ARHGAP5: variants seen among roughly 807,000 people sequenced by gnomAD.
ARHGAP5 encodes the protein rho GTPase-activating protein 5.
A neutral mutation model predicts 116.6 loss-of-function variants in ARHGAP5; 23 were observed. That is an observed-to-expected ratio of 0.20 (90% CI 0.14 to 0.28). The LOEUF (loss-of-function observed/expected upper bound fraction) is 0.28. ARHGAP5 is among the 10% of genes least tolerant of loss of function. The pLI is 1.00. For synonymous variants in ARHGAP5, 574 were observed against 602.0 expected (o/e 0.95, Z 0.68); for missense variants, 1,405 against 1,774.8 (o/e 0.79, Z 3.74).
At chr14:32,137,569 G>A (rs1880871505) in intron 3 of ARHGAP5, among the ~76,000 whole-genome samples, 2 of 152,010 alleles carry the variant, frequency 1.3e-5, no homozygotes, top group Non-Finnish European at 2.9e-5. Context: ...AATTGAATGT[G>A]AATTTGAGGA....
chr14:32,095,489 C>T (rs1032966518), intron 2 of ARHGAP5, among the ~76,000 whole-genome samples: 4 of 150,662 alleles, frequency 2.7e-5, no homozygotes, highest in Admixed American at 6.6e-5. Flanking sequence ...CTTGGCTCAC[C>T]GCAGCCTCCG....
intron 1 of ARHGAP5, among the ~76,000 whole-genome samples, chr14:32,081,262 TTAG>T (rs1462847175): frequency 6.6e-6 from 1 of 152,022 alleles, no homozygotes; most frequent in Non-Finnish European, 1.5e-5. Flanking sequence ...GATTTAAAAG[TTAG>T]TAGAAAGTTA....
chr14:32,128,247 C>CA lies in ARHGAP5; in HGVS notation c.3865+10961dup, dbSNP rs375329056. On this transcript the variant is annotated intron_variant, in intron 3 of 6. Coordinates refer to ENST00000345122, the MANE Select transcript of ARHGAP5 (RefSeq NM_001030055.2). ...CCTCACATCCCAGACGATGGGTGGC[C>CA]AGGCAGACGCTCCTCACTTCCTAGA... Among the ~76,000 whole-genome samples the CA allele has an allele frequency of 4.8e-3, 727 of 151,686 alleles. 12 individuals are homozygous for CA. The highest frequency in any genetic ancestry group is 0.017 in the African/African-American group (712 of 41,314).
intron 2 of ARHGAP5, among the ~76,000 whole-genome samples, chr14:32,106,717 C>G (rs1285087274): frequency 6.6e-6 from 1 of 152,204 alleles, no homozygotes; most frequent in Non-Finnish European, 1.5e-5. Context: ...TTCATTCCCA[C>G]ACGTACTCTT....
chr14:32,125,919 G>T (rs1323208025), intron 3 of ARHGAP5, among the ~76,000 whole-genome samples: 1 of 152,142 alleles, frequency 6.6e-6, no homozygotes, highest in African/African-American at 2.4e-5. Flanking sequence ...GTTTATGGAT[G>T]TTTATGGTGG....
rs114897235 is a variant in ARHGAP5, at chr14:32,081,165, T to C, written c.-169+3730T>C. On this transcript the variant is annotated intron_variant, in intron 1 of 6. Transcript: ENST00000345122. The stretch of plus-strand genomic sequence containing the variant: ...ACAGCAAGCATGACACTTTAAGAAT[T>C]TGAGGTATATTTAGGGAAGTACATA... 2.0e-5 allele frequency among the ~76,000 whole-genome samples: 3 copies of C among 152,188 alleles called. 1 individual carries two copies. Among genetic ancestry groups the C allele is most frequent in the South Asian group, 4.2e-4 (2 of 4,812 alleles).
chr14:32,147,103 TTTTC>T (rs1355212822), intron 4 of ARHGAP5, among the ~76,000 whole-genome samples: 2 of 152,212 alleles, frequency 1.3e-5, no homozygotes, highest in Admixed American at 6.5e-5. Flanking sequence ...AAAAGCCGAA[TTTTC>T]TACTCATATT....
At chr14:32,154,544 A>G in intron 6 of ARHGAP5, 77 bp from the exon 7 acceptor site, 1 of 1,203,762 alleles carries the variant, frequency 8.3e-7, no homozygotes, top group Non-Finnish European at 1.2e-6. Context: ...ATTAAATCTG[A>G]GATCATTTCT....
intron 3 of ARHGAP5, among the ~76,000 whole-genome samples, chr14:32,137,381 A>T (rs1016889972): frequency 6.6e-6 from 1 of 151,394 alleles, no homozygotes; most frequent in Non-Finnish European, 1.5e-5. Flanking sequence ...TTGGCCATAG[A>T]TACATGGGTT....
intron 4 of ARHGAP5, among the ~76,000 whole-genome samples, chr14:32,148,161 GA>G (rs1290265568): frequency 9.1e-6 from 1 of 109,790 alleles, no homozygotes; most frequent in African/African-American, 3.3e-5. Context: ...TCAAAAAAAA[GA>G]AATCTATCTA....
intron 4 of ARHGAP5, among the ~76,000 whole-genome samples, chr14:32,147,905 C>A (rs575270104): frequency 1.2e-4 from 18 of 152,302 alleles, no homozygotes; most frequent in African/African-American, 4.1e-4. Context: ...GTAATCCTAG[C>A]ACTTTGGGAG....
At chr14:32,142,974 A>C (rs1184637245) in intron 3 of ARHGAP5, among the ~76,000 whole-genome samples, 1 of 152,150 alleles carries the variant, frequency 6.6e-6, no homozygotes, top group Non-Finnish European at 1.5e-5. Flanking sequence ...TACACCTTGC[A>C]TCTCTGTTAC....
At chr14:32,098,157 C>G (rs1878622857) in intron 2 of ARHGAP5, among the ~76,000 whole-genome samples, 2 of 152,264 alleles carry the variant, frequency 1.3e-5, no homozygotes, top group East Asian at 1.9e-4. Flanking sequence ...ATGGACACTT[C>G]TGAAGAAGAA....
chr14:32,091,791 C>A lies in ARHGAP5; in HGVS notation c.1122C>A (p.Phe374Leu). 33 of 1,613,552 alleles carry A rather than the reference C, an allele frequency of 2.0e-5. No individual in the cohort carries two copies. The highest frequency in any genetic ancestry group is 2.8e-5 in the Non-Finnish European group (33 of 1,179,648). The change falls in exon 2 of 7, where the codon TTC becomes TTA. Residue 374 changes from phenylalanine to leucine, a missense_variant. Phe to Leu is a conservative substitution (Grantham distance 22). Around this residue, in one of 6 missense-constraint regions of ARHGAP5, gnomAD observed 944 missense variants for 1,095.3 expected, o/e 0.86. Transcript: ENST00000345122. ...AGTTAATGGAAAAGAGAGCAGATTT[C>A]CAGTTATGTTTTGTGGTGCTAGAAA... ...ALKLMEKRADFQLCFVVLEKT... is the reference protein window; with the variant it reads ...ALKLMEKRADLQLCFVVLEKT...
intron 3 of ARHGAP5, among the ~76,000 whole-genome samples, chr14:32,135,440 T>G (rs1362586461): frequency 1.3e-5 from 2 of 152,252 alleles, no homozygotes; most frequent in Non-Finnish European, 2.9e-5. Context: ...TTTGTTTGTT[T>G]GAGGTGGAGT....
intron 3 of ARHGAP5, among the ~76,000 whole-genome samples, chr14:32,128,533 T>C (rs1460764850): frequency 1.3e-5 from 2 of 152,220 alleles, no homozygotes; most frequent in African/African-American, 4.8e-5. Context: ...GTGTCGGCTA[T>C]CGGTGCTGAG....
chr14:32,114,969 A>G (rs1424960528), intron 2 of ARHGAP5, among the ~76,000 whole-genome samples: 2 of 152,222 alleles, frequency 1.3e-5, no homozygotes, highest in East Asian at 1.9e-4. Flanking sequence ...AAATATGACA[A>G]ATATTAATGG....
chr14:32,080,252 A>G (rs912749759), intron 1 of ARHGAP5, among the ~76,000 whole-genome samples: 3 of 151,522 alleles, frequency 2.0e-5, no homozygotes, highest in African/African-American at 7.3e-5. Context: ...CCAAACCAGG[A>G]CAGCTTCTAT....
At chr14:32,087,074 G>A (rs1197468831) in intron 1 of ARHGAP5, among the ~76,000 whole-genome samples, 2 of 151,974 alleles carry the variant, frequency 1.3e-5, no homozygotes, top group East Asian at 3.8e-4. Context: ...AAAAATAGAT[G>A]TGCATGATTG....
Sources: allele counts gnomAD v4.1 joint callset (sites outside exome capture counted in the v4.1 genomes callset), GRCh38; gene constraint gnomAD v4.1.1; regional missense constraint gnomAD v4.1.1; transcripts MANE v1.5; gene names NCBI Gene and HGNC (gene_info 2026-07-23, HGNC 2026-07-21).